The following TTLL5 variants were observed in gnomAD, a reference collection of about 807,000 sequenced individuals.
TTLL5 encodes tubulin tyrosine ligase like 5, also known as tubulin polyglutamylase TTLL5.
Under a neutral mutation model 168.4 loss-of-function variants are expected in TTLL5, and 132 were observed. The observed-to-expected ratio is 0.78, with a 90% CI of 0.68 to 0.91. TTLL5 has a LOEUF of 0.91. Among genes scored for constraint, TTLL5 ranks in the 40% least tolerant of loss-of-function variants. The pLI is 0.00. For synonymous variants in TTLL5, 546 were observed against 558.6 expected, an observed-to-expected ratio of 0.98 and a Z score of 0.32; for missense variants, 1,545 against 1,581.5, an observed-to-expected ratio of 0.98 and a Z score of 0.39.
chr14:75,867,746 T>TGAGACTGTCTCCAAAA (rs1437263756), intron 29 of TTLL5, among the ~76,000 whole-genome samples: 23 of 146,236 alleles, frequency 1.6e-4, no homozygotes, highest in Admixed American at 6.9e-4. Context: ...AGTGACAGAT[T>TGAGACTGTCTCCAAAA]GAGACTGTCT....
chr14:75,924,077 G>T (rs2033920862), intron 31 of TTLL5, among the ~76,000 whole-genome samples: 1 of 146,680 alleles, frequency 6.8e-6, no homozygotes, highest in Non-Finnish European at 1.5e-5. Flanking sequence ...TTGCCTGGTA[G>T]ATCTTCGTCC....
intron 28 of TTLL5, among the ~76,000 whole-genome samples, chr14:75,856,134 G>A (rs557707895): frequency 3.3e-5 from 5 of 152,256 alleles, no homozygotes; most frequent in Non-Finnish European, 7.4e-5. Flanking sequence ...AGGCCGAGGC[G>A]GGCTGATCAC....
chr14:75,946,844 A>G (rs1325296747), intron 31 of TTLL5, among the ~76,000 whole-genome samples: 1 of 152,174 alleles, frequency 6.6e-6, no homozygotes, highest in Non-Finnish European at 1.5e-5. Context: ...TGAGAACTGA[A>G]GAAGGGGGAA....
At chr14:75,669,141 AATTGGTTT>A (rs1377342197) in intron 2 of TTLL5, among the ~76,000 whole-genome samples, 1 of 152,232 alleles carries the variant, frequency 6.6e-6, no homozygotes, top group African/African-American at 2.4e-5. Context: ...TATGGGCTCC[AATTGGTTT>A]ATGTGCCTAT....
chr14:75,823,576 GC>G (rs1894955478), intron 28 of TTLL5, among the ~76,000 whole-genome samples: 1 of 152,154 alleles, frequency 6.6e-6, no homozygotes, highest in Non-Finnish European at 1.5e-5. Context: ...TCTGGCTCCT[GC>G]CCCTTTGTAT....
intron 28 of TTLL5, among the ~76,000 whole-genome samples, chr14:75,840,718 T>G (rs1896180083): frequency 6.6e-6 from 1 of 152,174 alleles, no homozygotes; most frequent in South Asian, 2.1e-4. Context: ...TCCCTTGCCT[T>G]TTCTCTTCCC....
chr14:75,906,178 T>C (rs897308518), intron 31 of TTLL5, among the ~76,000 whole-genome samples: 1 of 152,240 alleles, frequency 6.6e-6, no homozygotes, highest in East Asian at 1.9e-4. Context: ...GATGTCACTT[T>C]AACTTTCAAG....
At chr14:75,861,284 AC>A (rs988942855) in intron 28 of TTLL5, among the ~76,000 whole-genome samples, 9 of 152,164 alleles carry the variant, frequency 5.9e-5, no homozygotes, top group African/African-American at 2.2e-4. Flanking sequence ...TCACGGACTT[AC>A]CCTTAACGAG....
chr14:75,731,370 TACATACACAC>T (rs1378894376), intron 12 of TTLL5, among the ~76,000 whole-genome samples: 9 of 78,648 alleles, frequency 1.1e-4, no homozygotes, highest in Admixed American at 1.5e-4. Flanking sequence ...AATATACACA[TACATACACAC>T]ACACACACAC....
intron 12 of TTLL5, among the ~76,000 whole-genome samples, chr14:75,727,477 T>G (rs1193141091): frequency 6.6e-6 from 1 of 152,202 alleles, no homozygotes; most frequent in African/African-American, 2.4e-5. Context: ...TTCATTTATT[T>G]GACTTTCTGG....
intron 28 of TTLL5, among the ~76,000 whole-genome samples, chr14:75,832,053 T>A (rs2139811282): frequency 6.6e-6 from 1 of 152,154 alleles, no homozygotes; most frequent in Middle Eastern, 3.4e-3. Flanking sequence ...GGGGTGTCAC[T>A]CTTGAGGCTA....
intron 29 of TTLL5, among the ~76,000 whole-genome samples, chr14:75,867,015 G>A (rs576982176): frequency 6.6e-6 from 1 of 152,284 alleles, no homozygotes; most frequent in South Asian, 2.1e-4. Context: ...GGTAAAAACA[G>A]CAGTTTGAAA....
At chr14:75,832,558 C>A (rs1595118314) in intron 28 of TTLL5, among the ~76,000 whole-genome samples, 1 of 152,294 alleles carries the variant, frequency 6.6e-6, no homozygotes, top group East Asian at 1.9e-4. Flanking sequence ...CCTAATTTTG[C>A]TATGTGGAAA....
chr14:75,792,278 C>T (rs902845186), intron 26 of TTLL5, among the ~76,000 whole-genome samples: 10 of 150,336 alleles, frequency 6.7e-5, no homozygotes, highest in African/African-American at 2.2e-4. Flanking sequence ...ATGTAAATGA[C>T]GAGTTAATGG....
chr14:75,774,762 C>T (rs1213798017), intron 21 of TTLL5, among the ~76,000 whole-genome samples: 4 of 152,050 alleles, frequency 2.6e-5, no homozygotes, highest in South Asian at 2.1e-4. Context: ...GATCTTGGCT[C>T]GGTGCAACCT....
chr14:75,769,904 C>T (rs1351915007), intron 20 of TTLL5, among the ~76,000 whole-genome samples: 4 of 152,098 alleles, frequency 2.6e-5, no homozygotes, highest in African/African-American at 7.2e-5. Flanking sequence ...TATGGCCAGG[C>T]GTGCAGGCTC....
chr14:75,776,739 C>T lies in TTLL5; in HGVS notation c.2284-8C>T. 1 of 1,609,644 alleles carries T rather than the reference C, an allele frequency of 6.2e-7. No homozygotes were observed. The highest frequency in any genetic ancestry group is 8.5e-7 in the Non-Finnish European group (1 of 1,177,762). On this transcript the variant is annotated splice_polypyrimidine_tract_variant and splice_region_variant and intron_variant, in intron 22 of 31. Transcript: ENST00000298832. ...GTTGTTTTTCTGTGGGGTTTGGGCA[C>T]TGGGTAGGAAACAGAACAAATGGCT...
At chr14:75,763,410 G>A (rs901721873) in intron 18 of TTLL5, among the ~76,000 whole-genome samples, 9 of 151,984 alleles carry the variant, frequency 5.9e-5, no homozygotes, top group African/African-American at 2.2e-4. Context: ...CTGGAGAGAA[G>A]GCCTCCAAAA....
intron 4 of TTLL5, among the ~76,000 whole-genome samples, chr14:75,682,189 C>CAAA (rs536041762): frequency 1.8e-5 from 1 of 57,048 alleles, no homozygotes; most frequent in Non-Finnish European, 3.6e-5. Flanking sequence ...GACTCCGTCT[C>CAAA]AAAAAAAAAA....
Sources: gnomAD v4.1 joint callset for allele counts (sites outside exome capture counted in the v4.1 genomes callset) on GRCh38, gnomAD v4.1.1 for gene constraint, MANE v1.5 for transcripts, NCBI Gene and HGNC (gene_info 2026-07-23, HGNC 2026-07-21) for gene names.